Variants in ANAPC10 observed in about 807,000 individuals in gnomAD.
The protein encoded by ANAPC10 is anaphase-promoting complex subunit 10.
Under a neutral mutation model 22.0 loss-of-function variants are expected in ANAPC10, and 12 were observed. The observed-to-expected ratio is 0.55, with a 90% CI of 0.35 to 0.88. ANAPC10 has a LOEUF of 0.88. Ranked by LOEUF, ANAPC10 falls within the 40% of genes least tolerant of loss-of-function variation. The pLI is 0.01. For synonymous variants in ANAPC10, 65 were observed against 69.5 expected (o/e 0.94, Z 0.32); for missense variants, 188 against 220.9 (o/e 0.85, Z 0.94).
intron 4 of ANAPC10, among the ~76,000 whole-genome samples, chr4:145,012,035 G>A (rs1734395282): frequency 6.6e-6 from 1 of 152,070 alleles, no homozygotes; most frequent in Non-Finnish European, 1.5e-5. Flanking sequence ...CAGGGACTGA[G>A]AGGAGTAAAG....
At chr4:145,026,398 T>C (rs139306636) in intron 4 of ANAPC10, among the ~76,000 whole-genome samples, 9 of 151,856 alleles carry the variant, frequency 5.9e-5, no homozygotes, top group Middle Eastern at 3.4e-3. Flanking sequence ...ACATAGCATA[T>C]AAGTATAAAA....
intron 4 of ANAPC10, among the ~76,000 whole-genome samples, chr4:145,053,396 G>GA (rs1458145334): frequency 2.0e-5 from 3 of 152,146 alleles, no homozygotes; most frequent in Non-Finnish European, 2.9e-5. Flanking sequence ...TAAGTGCTTA[G>GA]AAAGCTTCCT....
In ANAPC10 at chr4:145,090,723, T is replaced by C. The variant is rs576588024; in HGVS notation, c.115+5262A>G. 9.2e-5 allele frequency among the ~76,000 whole-genome samples: 14 copies of C among 152,340 alleles called. No individual in the cohort carries two copies. The South Asian group carries it at 2.9e-3, about 32-fold the overall frequency. On this transcript the variant is annotated intron_variant, in intron 2 of 4. Transcript: ENST00000507656. Reference sequence around the variant, plus strand: ...CTTTTGAAAACCTTACTGAGATAACTGGTTATTTTATGCATGTAAAGTTCT... The same window carrying C: ...CTTTTGAAAACCTTACTGAGATAACCGGTTATTTTATGCATGTAAAGTTCT...
intron 4 of ANAPC10, among the ~76,000 whole-genome samples, chr4:145,057,078 G>C (rs1026311762): frequency 1.3e-5 from 2 of 152,222 alleles, no homozygotes; most frequent in Non-Finnish European, 1.5e-5. Flanking sequence ...GTTTAAGTAC[G>C]CATTAGCAGT....
intron 4 of ANAPC10, among the ~76,000 whole-genome samples, chr4:145,052,690 C>T (rs1056430023): frequency 9.2e-5 from 14 of 151,952 alleles, no homozygotes; most frequent in African/African-American, 1.2e-4. Flanking sequence ...TCACATGGTC[C>T]GGAGATTGAG....
chr4:145,087,926 T>C (rs1269413896), intron 2 of ANAPC10, among the ~76,000 whole-genome samples: 3 of 152,050 alleles, frequency 2.0e-5, no homozygotes, highest in Non-Finnish European at 4.4e-5. Flanking sequence ...TGCGCACCTA[T>C]AATCTTAGCT....
intron 4 of ANAPC10, among the ~76,000 whole-genome samples, chr4:145,045,242 T>C (rs531052320): frequency 1.3e-5 from 2 of 152,250 alleles, no homozygotes; most frequent in East Asian, 3.9e-4. Flanking sequence ...AATAAGTACT[T>C]TGCAAACTTT....
chr4:145,082,720 A>G (rs995649992), intron 2 of ANAPC10, among the ~76,000 whole-genome samples: 8 of 152,226 alleles, frequency 5.3e-5, no homozygotes, highest in Admixed American at 2.0e-4. Context: ...ACATAAATGA[A>G]GTTGTACAAT....
chr4:145,078,700 T>C (rs1172457705), intron 3 of ANAPC10, among the ~76,000 whole-genome samples: 1 of 152,090 alleles, frequency 6.6e-6, no homozygotes, highest in Non-Finnish European at 1.5e-5. Context: ...TGGAACAGGT[T>C]AGAGAACCCA....
chr4:145,068,658 T>A (rs1243915745), intron 3 of ANAPC10, among the ~76,000 whole-genome samples: 1 of 152,182 alleles, frequency 6.6e-6, no homozygotes, highest in Non-Finnish European at 1.5e-5. Context: ...ACGCCTGTAA[T>A]CCCAGCACTT....
intron 2 of ANAPC10, among the ~76,000 whole-genome samples, chr4:145,084,939 T>A (rs1468353337): frequency 6.6e-6 from 1 of 152,208 alleles, no homozygotes; most frequent in Non-Finnish European, 1.5e-5. Flanking sequence ...AAATTCCCCA[T>A]GAAACTTGTA....
chr4:145,011,233 A>G (rs934034288), intron 4 of ANAPC10, among the ~76,000 whole-genome samples: 1 of 151,858 alleles, frequency 6.6e-6, no homozygotes, highest in Non-Finnish European at 1.5e-5. Context: ...TCTACTCAGG[A>G]GGCTGAGGCA....
At chr4:145,052,634 T>G (rs1741290229) in intron 4 of ANAPC10, among the ~76,000 whole-genome samples, 1 of 152,140 alleles carries the variant, frequency 6.6e-6, no homozygotes, top group African/African-American at 2.4e-5. Flanking sequence ...GTGCGGTGGC[T>G]CATGCCTATA....
Position 144,995,179 on chromosome 4 carries a change from TGA to T in ANAPC10, c.*192_*193del, listed in dbSNP as rs1351540923. 11 of 373,296 alleles carry T rather than the reference TGA, an allele frequency of 2.9e-5. No individual in the cohort carries two copies. Among genetic ancestry groups the T allele is most frequent in the African/African-American group, 1.3e-4 (6 of 47,756 alleles). 23.1% of individuals were successfully genotyped at this position (373,296 alleles called of 1,614,324 possible). ...TCCATTTTTAGTAATGTAAAATATG[TGA>T]GCTTTATTACATGTTAAAGAAAATA... On this transcript the variant is annotated 3_prime_UTR_variant, in exon 5 of 5. Coordinates refer to ENST00000507656, the MANE Select transcript of ANAPC10 (RefSeq NM_001256706.2).
chr4:145,003,533 G>A (rs531667241), intron 4 of ANAPC10, among the ~76,000 whole-genome samples: 3 of 152,118 alleles, frequency 2.0e-5, no homozygotes, highest in Non-Finnish European at 4.4e-5. Flanking sequence ...TGTAAGGAAG[G>A]GATCCAGTTT....
Position 144,995,357 on chromosome 4 carries a change from T to G in ANAPC10, c.*16A>C, listed in dbSNP as rs1560794511. ...AAAACAAAGATACGTTTAATGATTT[T>G]CGTCTCATTTTAAAGTCACCTTATT... On this transcript the variant is annotated 3_prime_UTR_variant, in exon 5 of 5. Transcript: ENST00000507656. 13 of 1,498,810 alleles carry G rather than the reference T, an allele frequency of 8.7e-6. No homozygotes were observed. The highest frequency in any genetic ancestry group is 1.4e-5 in the African/African-American group (1 of 72,484). The allele number at this position is 1,498,810 out of a possible 1,614,324, so 92.8% of individuals were successfully genotyped here.
chr4:145,007,896 A>C (rs1733664646), intron 4 of ANAPC10, among the ~76,000 whole-genome samples: 1 of 151,646 alleles, frequency 6.6e-6, no homozygotes, highest in African/African-American at 2.4e-5. Flanking sequence ...TGAATCCAGG[A>C]GCTGGTTTTT....
intron 4 of ANAPC10, among the ~76,000 whole-genome samples, chr4:145,009,158 A>C (rs1317469782): frequency 6.6e-6 from 1 of 152,158 alleles, no homozygotes; most frequent in East Asian, 1.9e-4. Flanking sequence ...AGGAACCACA[A>C]ACCACTCCTC....
chr4:145,055,922 T>C (rs1741999716), intron 4 of ANAPC10, among the ~76,000 whole-genome samples: 1 of 152,198 alleles, frequency 6.6e-6, no homozygotes, highest in South Asian at 2.1e-4. Context: ...GTATATGTTT[T>C]TTGCAATTAA....
Sources: gnomAD v4.1 joint callset for allele counts (sites outside exome capture counted in the v4.1 genomes callset) on GRCh38, gnomAD v4.1.1 for gene constraint, MANE v1.5 for transcripts, NCBI Gene and HGNC (gene_info 2026-07-23, HGNC 2026-07-21) for gene names.